RPS6KC1: variants seen among roughly 807,000 people sequenced by gnomAD.
RPS6KC1 encodes the protein ribosomal protein S6 kinase C1.
Under a neutral mutation model 103.8 loss-of-function variants are expected in RPS6KC1, and 54 were observed. The ratio of observed to expected loss-of-function variants is 0.52; its 90% CI spans 0.42 to 0.65. RPS6KC1 has a LOEUF of 0.65. Ranked by LOEUF, RPS6KC1 falls within the 30% of genes least tolerant of loss-of-function variation. The pLI is 0.00. For synonymous variants in RPS6KC1, 439 were observed against 438.7 expected (o/e 1.00, Z -0.01); for missense variants, 1,151 against 1,253.8 (o/e 0.92, Z 1.24).
At chr1:213,204,907 G>A (rs1335409103) in intron 8 of RPS6KC1, among the ~76,000 whole-genome samples, 1 of 152,156 alleles carries the variant, frequency 6.6e-6, no homozygotes, top group Non-Finnish European at 1.5e-5. Context: ...GGGATTACAA[G>A]CATAAACCAC....
At chr1:213,323,717 G>T in the RPS6KC1 span, among the ~76,000 whole-genome samples, 1 of 151,904 alleles carries the variant, frequency 6.6e-6, no homozygotes, top group Non-Finnish European at 1.5e-5. Flanking sequence ...TTTTTTTAGA[G>T]CAGTTTTAGG....
At chr1:213,066,133 A>G (rs1327548398) in intron 1 of RPS6KC1, among the ~76,000 whole-genome samples, 3 of 152,244 alleles carry the variant, frequency 2.0e-5, no homozygotes, top group East Asian at 1.9e-4. Flanking sequence ...TGCCTAGCGC[A>G]GTGCCTTGAA....
chr1:213,593,327 T>C, the RPS6KC1 span, among the ~76,000 whole-genome samples: 1 of 152,144 alleles, frequency 6.6e-6, no homozygotes, highest in Non-Finnish European at 1.5e-5. Flanking sequence ...CACTGGCTGC[T>C]TGCTGTGTTG....
chr1:213,318,671 C>T, the RPS6KC1 span, among the ~76,000 whole-genome samples: 1 of 152,160 alleles, frequency 6.6e-6, no homozygotes, highest in Non-Finnish European at 1.5e-5. Context: ...TCATGTCTTA[C>T]ATGGATGGCA....
chr1:213,084,419 GCCA>G (rs2080192759), intron 3 of RPS6KC1, among the ~76,000 whole-genome samples: 1 of 151,996 alleles, frequency 6.6e-6, no homozygotes, highest in South Asian at 2.1e-4. Context: ...ACAGGTGTGA[GCCA>G]CCACACCTGG....
chr1:213,857,081 C>G, the RPS6KC1 span, among the ~76,000 whole-genome samples: 8 of 152,158 alleles, frequency 5.3e-5, no homozygotes, highest in Non-Finnish European at 1.2e-4. Context: ...ATGCCTAAAA[C>G]TGGGCAGGTG....
the RPS6KC1 span, among the ~76,000 whole-genome samples, chr1:213,444,584 C>T: frequency 6.6e-6 from 1 of 151,686 alleles, no homozygotes; most frequent in Non-Finnish European, 1.5e-5. Context: ...AGGCTGGTAC[C>T]CTGTCTCTAC....
chr1:213,363,609 G>C, the RPS6KC1 span, among the ~76,000 whole-genome samples: 1 of 71,744 alleles, frequency 1.4e-5, no homozygotes, highest in Non-Finnish European at 2.8e-5. Flanking sequence ...TCGCTCGCTT[G>C]CTTGCTTGCT....
the RPS6KC1 span, among the ~76,000 whole-genome samples, chr1:213,549,399 G>A: frequency 3.1e-3 from 471 of 152,164 alleles, 3 homozygotes; most frequent in African/African-American, 0.011. Context: ...AGGATTGAAG[G>A]GTCAAAATCC....
chr1:213,609,767 TGCCATTACTTTCAATGGCAAAACCC>T, the RPS6KC1 span, among the ~76,000 whole-genome samples: 6 of 144,678 alleles, frequency 4.1e-5, no homozygotes, highest in Non-Finnish European at 7.7e-5. Flanking sequence ...GGCGGGTTTT[TGCCATTACTTTCAATGGCAAAACCC>T]GCCATTACTT....
In RPS6KC1 at chr1:213,258,416, C is replaced by T. The variant is rs565542925; in HGVS notation, c.2912-3142C>T. Among the ~76,000 whole-genome samples the T allele has an allele frequency of 3.3e-5, 5 of 152,212 alleles. No individual in the cohort carries two copies. The South Asian group carries it at 1.0e-3, about 32-fold the overall frequency. On this transcript the variant is annotated intron_variant, in intron 12 of 14. Coordinates refer to ENST00000366960, the MANE Select transcript of RPS6KC1 (RefSeq NM_012424.6). ...AAATGGAGCAAATGAAATTCTTGAA[C>T]AAAAAGATATTTAAGAAATAAAACC...
At chr1:213,621,457 A>G in the RPS6KC1 span, among the ~76,000 whole-genome samples, 1 of 152,080 alleles carries the variant, frequency 6.6e-6, no homozygotes, top group African/African-American at 2.4e-5. Flanking sequence ...TGTGCTAATA[A>G]TAGGATGGGT....
intron 1 of RPS6KC1, among the ~76,000 whole-genome samples, chr1:213,056,785 A>C (rs141921911): frequency 2.6e-5 from 4 of 151,388 alleles, no homozygotes; most frequent in Admixed American, 2.6e-4. Context: ...TCTGTCTGGA[A>C]TACTCTTTCC....
the RPS6KC1 span, among the ~76,000 whole-genome samples, chr1:213,390,397 T>C: frequency 6.6e-6 from 1 of 152,194 alleles, no homozygotes; most frequent in African/African-American, 2.4e-5. Context: ...TGCAGAGAAA[T>C]GGCAAAACAG....
At chr1:213,092,429 T>C (rs1052736821) in intron 3 of RPS6KC1, among the ~76,000 whole-genome samples, 4 of 152,140 alleles carry the variant, frequency 2.6e-5, no homozygotes, top group Non-Finnish European at 5.9e-5. Flanking sequence ...CCCAGCACTT[T>C]GGGAGGCCGA....
intron 4 of RPS6KC1, among the ~76,000 whole-genome samples, chr1:213,115,619 T>G (rs1232651328): frequency 6.6e-6 from 1 of 152,090 alleles, no homozygotes. Context: ...TTGCTCTTGC[T>G]TTTCTAGTTC....
chr1:213,259,290 T>C (rs1375237280), intron 12 of RPS6KC1, among the ~76,000 whole-genome samples: 1 of 152,264 alleles, frequency 6.6e-6, no homozygotes, highest in Non-Finnish European at 1.5e-5. Flanking sequence ...CCGGGTGCGG[T>C]GGCTCATGCC....
At chr1:213,703,757 T>A in the RPS6KC1 span, among the ~76,000 whole-genome samples, 1 of 152,220 alleles carries the variant, frequency 6.6e-6, no homozygotes, top group Non-Finnish European at 1.5e-5. Context: ...GGATGCTTTC[T>A]TTATCCTTTA....
At chr1:213,447,180 A>T in the RPS6KC1 span, among the ~76,000 whole-genome samples, 1,578 of 151,786 alleles carry the variant, frequency 0.01, 27 homozygotes, top group African/African-American at 0.036. Flanking sequence ...CGATCCTCCT[A>T]CCTCAGCCTC....
Sources: gnomAD v4.1 joint callset for allele counts (sites outside exome capture counted in the v4.1 genomes callset) on GRCh38, gnomAD v4.1.1 for gene constraint, MANE v1.5 for transcripts, NCBI Gene and HGNC (gene_info 2026-07-23, HGNC 2026-07-21) for gene names.